Variants in FBN1 observed in about 807,000 individuals in gnomAD.
FBN1 encodes fibrillin 1.
In FBN1, 29 loss-of-function variants were observed where a neutral mutation model predicts 365.1. The ratio of observed to expected loss-of-function variants is 0.08; its 90% confidence interval spans 0.06 to 0.11. FBN1 has a LOEUF of 0.11. FBN1 is among the 10% of genes least tolerant of loss of function. FBN1 has a pLI of 1.00. For missense variants in FBN1, 2,476 were observed against 3,703.2 expected, an observed-to-expected ratio of 0.67 and a Z score of 8.60; for synonymous variants, 1,210 against 1,270.5, an observed-to-expected ratio of 0.95 and a Z score of 1.01.
chr15:48,422,858 C>T (rs1403137993), intron 60 of FBN1, among the ~76,000 whole-genome samples: 1 of 152,006 alleles, frequency 6.6e-6, no homozygotes, highest in African/African-American at 2.4e-5. Flanking sequence ...ACCTGGGAGG[C>T]AGAGGTTGCA....
At chr15:48,531,649 C>G (rs543765919) in intron 8 of FBN1, among the ~76,000 whole-genome samples, 14 of 152,228 alleles carry the variant, frequency 9.2e-5, no homozygotes, top group African/African-American at 3.4e-4. Flanking sequence ...AGACACCAGC[C>G]GATGCCCAGA....
At chr15:48,629,516 T>C (rs1335613337) in intron 2 of FBN1, among the ~76,000 whole-genome samples, 2 of 152,308 alleles carry the variant, frequency 1.3e-5, no homozygotes, top group African/African-American at 2.4e-5. Flanking sequence ...TTTGATAATA[T>C]TAGAAAATTA....
chr15:48,575,340 T>C (rs1447445856), intron 6 of FBN1, among the ~76,000 whole-genome samples: 1 of 152,118 alleles, frequency 6.6e-6, no homozygotes, highest in Non-Finnish European at 1.5e-5. Context: ...TGTATGTATG[T>C]ATGTATGTAT....
rs370949913 is a variant in FBN1, at chr15:48,495,450, T to C, written c.2539+19A>G. On this transcript the variant is annotated intron_variant, in intron 21 of 65. Transcript: ENST00000316623. ...AACATTGATAAACATAGAAAAATCA[T>C]TCTCAGAAAGATAAATACCTATGCA... 1 of 1,612,048 alleles carries C rather than the reference T, an allele frequency of 6.2e-7. No homozygotes were observed. Among genetic ancestry groups the C allele is most frequent in the Non-Finnish European group, 8.5e-7 (1 of 1,179,514 alleles).
Position 48,624,780 on chromosome 15 carries a change from A to G in FBN1, c.165-11688T>C, listed in dbSNP as rs147290854. ...TGTACTTTTCCAAAGGGTGAACGAAATCATAGAAATGATTGAAAACACAAA... is the reference window on the plus strand; with the variant it reads ...TGTACTTTTCCAAAGGGTGAACGAAGTCATAGAAATGATTGAAAACACAAA... On this transcript the variant is annotated intron_variant, in intron 2 of 65. Coordinates refer to ENST00000316623, the MANE Select transcript of FBN1 (RefSeq NM_000138.5). Among the ~76,000 whole-genome samples, 83 of 152,360 alleles carry G rather than the reference A, an allele frequency of 5.4e-4. No homozygotes were observed. In the East Asian group the frequency reaches 0.014, roughly 26 times the overall value.
At chr15:48,522,641 C>T (rs1444373405) in intron 9 of FBN1, among the ~76,000 whole-genome samples, 1 of 152,108 alleles carries the variant, frequency 6.6e-6, no homozygotes, top group Non-Finnish European at 1.5e-5. Context: ...TTCTTAAGAA[C>T]ACAAAGCCCT....
At chr15:48,480,954 A>C (rs1209613324) in intron 32 of FBN1, among the ~76,000 whole-genome samples, 1 of 152,206 alleles carries the variant, frequency 6.6e-6, no homozygotes, top group Non-Finnish European at 1.5e-5. Context: ...CTCATATTTG[A>C]AAATACCAAC....
At chr15:48,568,936 G>A (rs1362553562) in intron 6 of FBN1, among the ~76,000 whole-genome samples, 1 of 151,962 alleles carries the variant, frequency 6.6e-6, no homozygotes, top group Non-Finnish European at 1.5e-5. Flanking sequence ...TAGGCAAAGA[G>A]TTCTTAGATA....
intron 4 of FBN1, among the ~76,000 whole-genome samples, chr15:48,609,822 C>T (rs1441212665): frequency 6.6e-6 from 1 of 152,204 alleles, no homozygotes; most frequent in Admixed American, 6.5e-5. Context: ...GACAATTTGC[C>T]CTAACCTGTT....
At chr15:48,451,305 G>A (rs2043199368) in intron 45 of FBN1, among the ~76,000 whole-genome samples, 1 of 152,154 alleles carries the variant, frequency 6.6e-6, no homozygotes, top group Non-Finnish European at 1.5e-5. Context: ...GCAGGGAAGT[G>A]GTATCAATGC....
intron 6 of FBN1, among the ~76,000 whole-genome samples, chr15:48,580,651 AC>A (rs1201652858): frequency 2.0e-5 from 3 of 152,078 alleles, no homozygotes; most frequent in African/African-American, 7.2e-5. Flanking sequence ...AAAGCCACAC[AC>A]CCAAATCTGA....
At chr15:48,644,579 AC>A (rs775290382) in intron 2 of FBN1, 26 bp downstream of exon 2, 2 of 1,613,664 alleles carry the variant, frequency 1.2e-6, no homozygotes, top group African/African-American at 2.7e-5. Flanking sequence ...GGAGACCCAC[AC>A]CAAAGGAGGG....
chr15:48,593,550 C>T (rs1473111581), intron 6 of FBN1, among the ~76,000 whole-genome samples: 1 of 152,108 alleles, frequency 6.6e-6, no homozygotes, highest in East Asian at 1.9e-4. Flanking sequence ...TAGCATGAAA[C>T]CAATGAAATC....
rs201778577 is a variant in FBN1, at chr15:48,495,574, C to T, written c.2434G>A (p.Glu812Lys). Reference sequence around the variant, plus strand: ...ACTCCATTAATGCAAGGACTTGATTCGCATTCATCAATGTCTGAAACAAAA... The same window carrying T: ...ACTCCATTAATGCAAGGACTTGATTTGCATTCATCAATGTCTGAAACAAAA... ...LKTCEDIDEC[E>K]SSPCINGVCK... is the part of the protein sequence containing the mutation. The change falls in exon 21 of 66, where the codon GAA becomes AAA. Residue 812 changes from glutamate (E) to lysine (K), a missense_variant. Physicochemically the swap from Glu to Lys is moderately conservative, Grantham distance 56 (BLOSUM62 1). Coordinates refer to ENST00000316623, the MANE Select transcript of FBN1 (RefSeq NM_000138.5). 63 of 1,613,876 alleles carry T rather than the reference C, an allele frequency of 3.9e-5. No individual in the cohort carries two copies. The highest frequency in any genetic ancestry group is 1.7e-4 in the Admixed American group (10 of 60,002).
chr15:48,568,363 A>G (rs1216046008), intron 6 of FBN1, among the ~76,000 whole-genome samples: 1 of 152,124 alleles, frequency 6.6e-6, no homozygotes, highest in Non-Finnish European at 1.5e-5. Context: ...AAGTCGAAAA[A>G]TCTTTAAATA....
intron 6 of FBN1, among the ~76,000 whole-genome samples, chr15:48,573,003 G>C (rs767008757): frequency 1.3e-5 from 2 of 152,130 alleles, no homozygotes; most frequent in Non-Finnish European, 2.9e-5. Context: ...GGGAGGATGT[G>C]GGCATGGTTC....
At position 48,485,357 on chromosome 15, in the gene FBN1, G is replaced by A. The variant is rs1490056860; in HGVS notation, c.3712+17C>T. 2 of 1,614,140 alleles carry A rather than the reference G, an allele frequency of 1.2e-6. No homozygotes were observed. Among genetic ancestry groups the A allele is most frequent in the African/African-American group, 1.3e-5 (1 of 75,024 alleles). ...GAACCTACTGAGAGATTCAACATGA[G>A]GCTAGAACCTACTCACCGGTGCATG... On this transcript the variant is annotated intron_variant, in intron 30 of 65. Coordinates refer to ENST00000316623, the MANE Select transcript of FBN1 (RefSeq NM_000138.5).
intron 13 of FBN1, among the ~76,000 whole-genome samples, chr15:48,512,667 A>G (rs1042779322): frequency 3.9e-5 from 6 of 152,180 alleles, no homozygotes; most frequent in Admixed American, 2.6e-4. Context: ...ATTCTTTTTT[A>G]TGGCTGCATA....
intron 50 of FBN1, 62 bp from the exon 51 acceptor site, chr15:48,437,979 G>A: frequency 6.4e-7 from 1 of 1,556,532 alleles, no homozygotes; most frequent in Non-Finnish European, 8.9e-7. Flanking sequence ...TTGCACCATA[G>A]CAAATAAAGA....
Sources: allele counts gnomAD v4.1 joint callset (sites outside exome capture counted in the v4.1 genomes callset), GRCh38; gene constraint gnomAD v4.1.1; transcripts MANE v1.5; gene names NCBI Gene and HGNC (gene_info 2026-07-23, HGNC 2026-07-21).